SNX29: variants seen among roughly 807,000 people sequenced by gnomAD.
SNX29 encodes the protein sorting nexin-29.
A neutral mutation model predicts 102.1 loss-of-function variants in SNX29; 78 were observed. The observed-to-expected ratio is 0.76, with a 90% CI of 0.64 to 0.92. The LOEUF is 0.92. SNX29 is among the 40% of genes least tolerant of loss of function. The pLI, the probability that SNX29 is intolerant of heterozygous loss-of-function variation, is 0.00. For synonymous variants in SNX29, 580 were observed against 414.5 expected (o/e 1.40, Z -4.85); for missense variants, 1,280 against 1,061.7 (o/e 1.21, Z -2.86).
At position 12,195,306 on chromosome 16, in the gene SNX29, C is replaced by T. The variant is rs1452416819; in HGVS notation, c.1596-4295C>T. Among the ~76,000 whole-genome samples the T allele has an allele frequency of 8.5e-5, 13 of 152,352 alleles. No homozygotes were observed. In the South Asian group the frequency reaches 1.0e-3, roughly 12 times the overall value. On this transcript the variant is annotated intron_variant, in intron 13 of 20. Transcript: ENST00000566228. ...CTTACATTATCAGACAATTAATTTG[C>T]AGCCAGCTTCTTTCTTTTATATTCA...
intron 18 of SNX29, among the ~76,000 whole-genome samples, chr16:12,473,015 T>C (rs182811324): frequency 7.9e-5 from 12 of 152,248 alleles, no homozygotes; most frequent in Admixed American, 7.2e-4. Flanking sequence ...GTCAACTCTT[T>C]TTATCCCTCC....
intron 15 of SNX29, among the ~76,000 whole-genome samples, chr16:12,352,057 C>T (rs2082004225): frequency 6.6e-6 from 1 of 152,114 alleles, no homozygotes; most frequent in Non-Finnish European, 1.5e-5. Flanking sequence ...TCTGCCCAGC[C>T]ATGATTTGTT....
chr16:12,175,982 G>GACC (rs1448676247), intron 13 of SNX29, among the ~76,000 whole-genome samples: 1 of 151,540 alleles, frequency 6.6e-6, no homozygotes. Flanking sequence ...GTCCAGCCTG[G>GACC]GCAATAGAGC....
intron 20 of SNX29, among the ~76,000 whole-genome samples, chr16:12,559,002 T>TGG (rs1284348380): frequency 6.6e-6 from 1 of 152,144 alleles, no homozygotes; most frequent in Admixed American, 6.5e-5. Context: ...TACACAGTTA[T>TGG]GGGGGAGAGA....
At chr16:12,068,370 C>T (rs914738838) in intron 9 of SNX29, among the ~76,000 whole-genome samples, 2 of 151,808 alleles carry the variant, frequency 1.3e-5, no homozygotes, top group Admixed American at 1.3e-4. Context: ...TGTAGTCCCT[C>T]CCAGGTACTT....
Position 12,027,170 on chromosome 16 carries a change from G to C in SNX29, c.123-150G>C. 3.4e-6 allele frequency: 3 copies of C among 886,904 alleles called. No homozygotes were observed. The East Asian group carries it at 8.2e-5, about 24-fold the overall frequency. The allele number at this position is 886,904 out of a possible 1,614,324, so 54.9% of individuals were successfully genotyped here. A position where few individuals can be genotyped will look rare whatever the true frequency, so the allele number is the denominator to read the frequency against. ...GAGGTGTGTGGAGTGGCGCAGGTCA[G>C]TTACCAAGCCTGCACATCCAGGTGT... is the stretch of plus-strand genomic sequence containing the variant. On this transcript the variant is annotated intron_variant, in intron 3 of 20. Transcript: ENST00000566228.
At chr16:12,124,853 A>G (rs943138547) in intron 11 of SNX29, among the ~76,000 whole-genome samples, 5 of 152,088 alleles carry the variant, frequency 3.3e-5, no homozygotes, top group African/African-American at 1.2e-4. Context: ...GTTGAGATGG[A>G]TGGTTGTTTG....
intron 15 of SNX29, among the ~76,000 whole-genome samples, chr16:12,314,191 G>A (rs1420664371): frequency 6.6e-6 from 1 of 152,170 alleles, no homozygotes; most frequent in Non-Finnish European, 1.5e-5. Context: ...TACAGCTGGG[G>A]TCTTTCTGTG....
intron 20 of SNX29, among the ~76,000 whole-genome samples, chr16:12,539,391 ATG>A (rs893637413): frequency 2.2e-4 from 33 of 152,152 alleles, no homozygotes; most frequent in African/African-American, 8.0e-4. Context: ...GTCTTTCAGC[ATG>A]TGTGAGAACC....
intron 13 of SNX29, among the ~76,000 whole-genome samples, chr16:12,179,207 C>A (rs568530305): frequency 1.1e-4 from 17 of 152,288 alleles, no homozygotes; most frequent in African/African-American, 3.6e-4. Flanking sequence ...TTGTGAGGGC[C>A]GGGCACAGTT....
chr16:12,077,473 A>G (rs2051636491), intron 10 of SNX29, among the ~76,000 whole-genome samples: 1 of 151,766 alleles, frequency 6.6e-6, no homozygotes, highest in African/African-American at 2.4e-5. Context: ...CACCAAAGAC[A>G]CTAAACTTTA....
rs139935256 is a variant in SNX29 at position 12,274,905 on chromosome 16, C to T, written c.1679-3028C>T. On this transcript the variant is annotated intron_variant, in intron 14 of 20. Transcript: ENST00000566228. The stretch of plus-strand genomic sequence containing the variant: ...TCTTTTTCTCCTTTTTAAATATCTC[C>T]GTATTCTTATTTCATGACTACACTG... Among the ~76,000 whole-genome samples the T allele has an allele frequency of 3.4e-3, 515 of 152,154 alleles. 4 individuals carry two copies. Among genetic ancestry groups the T allele is most frequent in the Non-Finnish European group, 5.5e-3 (373 of 68,014 alleles).
At chr16:12,204,269 C>G (rs917451034) in intron 14 of SNX29, among the ~76,000 whole-genome samples, 3 of 152,186 alleles carry the variant, frequency 2.0e-5, no homozygotes, top group African/African-American at 7.2e-5. Flanking sequence ...CCGCCAGCCT[C>G]CCCTGCTCCT....
At chr16:11,983,691 T>TA in intron 1 of SNX29, 1 of 985,418 alleles carries the variant, frequency 1.0e-6, no homozygotes, top group Non-Finnish European at 1.2e-6. Flanking sequence ...CTATCTTGCC[T>TA]CCTGGTTGCT....
chr16:12,480,497 G>C (rs927287606), intron 19 of SNX29, among the ~76,000 whole-genome samples: 4 of 151,946 alleles, frequency 2.6e-5, no homozygotes, highest in Admixed American at 2.6e-4. Flanking sequence ...TTAATCCCCC[G>C]ACCCCACCCT....
chr16:12,336,383 T>G (rs2081450583), intron 15 of SNX29, among the ~76,000 whole-genome samples: 1 of 152,226 alleles, frequency 6.6e-6, no homozygotes, highest in Non-Finnish European at 1.5e-5. Flanking sequence ...GACATGAAAC[T>G]GTGTCCCTGC....
chr16:12,527,268 G>C (rs920497524), intron 20 of SNX29: 2 of 532,644 alleles, frequency 3.8e-6, no homozygotes, highest in African/African-American at 1.9e-5. Context: ...ATCTCCATGT[G>C]ATCGTGTCCT....
chr16:12,470,013 C>CA (rs1187260348), intron 18 of SNX29, among the ~76,000 whole-genome samples: 1 of 151,894 alleles, frequency 6.6e-6, no homozygotes, highest in Non-Finnish European at 1.5e-5. Context: ...AACTCCGTCT[C>CA]AAAAAAATAA....
chr16:12,119,800 C>G (rs554842003), intron 11 of SNX29, among the ~76,000 whole-genome samples: 1 of 152,366 alleles, frequency 6.6e-6, no homozygotes, highest in South Asian at 2.1e-4. Flanking sequence ...TGAGGCAAGT[C>G]ACTTCCCTTC....
Sources: allele counts gnomAD v4.1 joint callset (sites outside exome capture counted in the v4.1 genomes callset), GRCh38; gene constraint gnomAD v4.1.1; transcripts MANE v1.5; gene names NCBI Gene and HGNC (gene_info 2026-07-23, HGNC 2026-07-21).